DOCK8: variants seen among roughly 807,000 people sequenced by gnomAD.
DOCK8 encodes dedicator of cytokinesis protein 8.
In DOCK8, 141 loss-of-function variants were observed where a neutral mutation model predicts 245.6. The observed-to-expected ratio is 0.57, with a 90% confidence interval of 0.50 to 0.66. The LOEUF is 0.66. Among genes scored for constraint, DOCK8 ranks in the 30% least tolerant of loss-of-function variants. The pLI is 0.00. For missense variants in DOCK8, 2,965 were observed against 2,603.4 expected (o/e 1.14, Z -3.02); for synonymous variants, 1,168 against 970.2 (o/e 1.20, Z -3.79).
chr9:397,210 A>T (rs909595971), intron 25 of DOCK8, among the ~76,000 whole-genome samples: 3 of 151,450 alleles, frequency 2.0e-5, no homozygotes, highest in African/African-American at 7.3e-5. Context: ...AAATTAGCTG[A>T]GCATGGTTGT....
chr9:237,600 A>C (rs535298330), intron 1 of DOCK8, among the ~76,000 whole-genome samples: 1 of 152,308 alleles, frequency 6.6e-6, no homozygotes, highest in South Asian at 2.1e-4. Flanking sequence ...GGCTTCAGTG[A>C]GCTGTGATTG....
intron 9 of DOCK8, among the ~76,000 whole-genome samples, chr9:330,851 C>T (rs74551611): frequency 0.037 from 5,646 of 152,234 alleles, 122 homozygotes; most frequent in Middle Eastern, 0.075. Context: ...GTTCTCATGT[C>T]GGTCTGCAGC....
chr9:415,041 C>T lies in DOCK8; in HGVS notation c.3700+90C>T, dbSNP rs182960322. ...GAGATCTCTGTCATTCGTTCCAGTG[C>T]TGATATGTTCATATGAGCAATTCTT... On this transcript the variant is annotated intron_variant, in intron 29 of 47. Coordinates refer to ENST00000432829, the MANE Select transcript of DOCK8 (RefSeq NM_203447.4). 7.4e-5 allele frequency: 113 copies of T among 1,534,346 alleles called. 1 individual carries two copies. In the East Asian group the frequency reaches 2.5e-3, roughly 34 times the overall value.
At chr9:291,249 C>A (rs80001490) in intron 4 of DOCK8, among the ~76,000 whole-genome samples, 1,916 of 152,156 alleles carry the variant, frequency 0.013, 51 homozygotes, top group African/African-American at 0.045. Flanking sequence ...TGGCAATGCA[C>A]GCTTCTTGGA....
intron 2 of DOCK8, among the ~76,000 whole-genome samples, chr9:282,349 G>C (rs2048623369): frequency 6.6e-6 from 1 of 151,708 alleles, no homozygotes; most frequent in Non-Finnish European, 1.5e-5. Context: ...TTATCAGCCA[G>C]GTTTTTCATC....
intron 14 of DOCK8, chr9:366,199 T>C (rs1285031922): frequency 1.3e-5 from 2 of 153,848 alleles, no homozygotes; most frequent in Admixed American, 1.3e-4. Context: ...GGGAAGACCA[T>C]CTGCACCTCA....
At chr9:425,448 C>T (rs984002872) in intron 33 of DOCK8, among the ~76,000 whole-genome samples, 23 of 149,424 alleles carry the variant, frequency 1.5e-4, no homozygotes, top group Admixed American at 5.4e-4. Context: ...AGGAGAATGG[C>T]GTGAACCCGG....
At chr9:301,954 C>T (rs1417759090) in intron 4 of DOCK8, among the ~76,000 whole-genome samples, 1 of 151,794 alleles carries the variant, frequency 6.6e-6, no homozygotes, top group African/African-American at 2.4e-5. Context: ...CTATTCCTAT[C>T]TTAATTAGCA....
intron 4 of DOCK8, among the ~76,000 whole-genome samples, chr9:302,435 C>A (rs1016868012): frequency 2.0e-5 from 3 of 152,088 alleles, no homozygotes; most frequent in African/African-American, 7.2e-5. Flanking sequence ...TGGCCATTGG[C>A]CTTGGTAAAG....
chr9:275,885 G>C (rs576048659), intron 2 of DOCK8, among the ~76,000 whole-genome samples: 2 of 123,734 alleles, frequency 1.6e-5, no homozygotes, highest in African/African-American at 7.0e-5. Flanking sequence ...CACTGGGCCC[G>C]GCCTAGTTTT....
rs553831804 is a variant in DOCK8, at chr9:382,537, C to A, written c.2630C>A (p.Pro877His). 6.2e-7 allele frequency: 1 copy of A among 1,613,956 alleles called. No homozygotes were observed. Among genetic ancestry groups the A allele is most frequent in the South Asian group, 1.1e-5 (1 of 91,074 alleles). ...KSGAPTALLD[P>H]RSYHTYGRTS... is the part of the protein sequence containing the mutation. Reference sequence around the variant, plus strand: ...GGCGCTCCCACTGCCCTCCTAGACCCTCGGAGCTACCACACGTATGGCCGC... The same window carrying A: ...GGCGCTCCCACTGCCCTCCTAGACCATCGGAGCTACCACACGTATGGCCGC... Residue 877 changes from proline to histidine, a missense_variant, in exon 22 of 48, where the codon CCT becomes CAT. Around this residue, in one of 3 missense-constraint regions of DOCK8, gnomAD observed 2,825 missense variants for 2,453.5 expected, o/e 1.15. Coordinates refer to ENST00000432829, the MANE Select transcript of DOCK8 (RefSeq NM_203447.4).
intron 1 of DOCK8, among the ~76,000 whole-genome samples, chr9:260,075 T>C (rs1021595864): frequency 6.6e-6 from 1 of 152,178 alleles, no homozygotes; most frequent in Non-Finnish European, 1.5e-5. Flanking sequence ...CAAGAAACCA[T>C]GGGTGGGGAG....
In DOCK8 at chr9:421,792, A is replaced by G. The variant is rs145457909; in HGVS notation, c.4154-256A>G. On this transcript the variant is annotated intron_variant, in intron 32 of 47. Transcript: ENST00000432829. ...AGTAAGCCCCCAGAGTTTCACAGGA[A>G]TCCTCTGCTCATGAGAAATGTCTCT... 2.2e-3 allele frequency among the ~76,000 whole-genome samples: 342 copies of G among 152,290 alleles called. 1 individual carries two copies. The highest frequency in any genetic ancestry group is 7.7e-3 in the African/African-American group (321 of 41,562).
intron 14 of DOCK8, among the ~76,000 whole-genome samples, chr9:350,763 G>C (rs1300867638): frequency 6.6e-6 from 1 of 152,200 alleles, no homozygotes; most frequent in Non-Finnish European, 1.5e-5. Context: ...TGTTTGGACA[G>C]AACGTAGATA....
chr9:413,944 C>G (rs1191166543), intron 28 of DOCK8, among the ~76,000 whole-genome samples: 4 of 152,140 alleles, frequency 2.6e-5, no homozygotes, highest in African/African-American at 4.8e-5. Flanking sequence ...GAGTTCGAGA[C>G]CAGCCTGGCC....
chr9:279,176 G>A (rs1216005332), intron 2 of DOCK8, among the ~76,000 whole-genome samples: 1 of 152,208 alleles, frequency 6.6e-6, no homozygotes, highest in African/African-American at 2.4e-5. Context: ...TTGGTGGACT[G>A]GAATTGCCAC....
intron 39 of DOCK8, among the ~76,000 whole-genome samples, chr9:436,715 G>A (rs149013419): frequency 1.4e-4 from 22 of 152,172 alleles, no homozygotes; most frequent in Admixed American, 4.6e-4. Context: ...CCGACATGGG[G>A]GCATACAGCT....
chr9:289,384 A>G (rs1190481362), intron 3 of DOCK8, 126 bp from the exon 4 acceptor site: 2 of 764,628 alleles, frequency 2.6e-6, no homozygotes, highest in African/African-American at 3.4e-5. Context: ...ATGATTGGGC[A>G]AGAACATCCT....
At chr9:375,416 G>C (rs1246501105) in intron 18 of DOCK8, among the ~76,000 whole-genome samples, 2 of 152,196 alleles carry the variant, frequency 1.3e-5, no homozygotes, top group Admixed American at 6.5e-5. Context: ...ACCTGGCCTA[G>C]AAACATGTGG....
Sources: allele counts gnomAD v4.1 joint callset (sites outside exome capture counted in the v4.1 genomes callset), GRCh38; gene constraint gnomAD v4.1.1; regional missense constraint gnomAD v4.1.1; transcripts MANE v1.5; gene names NCBI Gene and HGNC (gene_info 2026-07-23, HGNC 2026-07-21).